Variants in CDH23 observed in about 807,000 individuals in gnomAD.
The protein encoded by CDH23 is cadherin-23.
A neutral mutation model predicts 317.1 loss-of-function variants in CDH23; 189 were observed. The ratio of observed to expected loss-of-function variants is 0.60; its 90% CI spans 0.53 to 0.67. CDH23 has a LOEUF of 0.67. Among genes scored for constraint, CDH23 ranks in the 30% least tolerant of loss-of-function variants. The probability of loss-of-function intolerance (pLI) is 0.00; values close to 1 mark genes in which losing one functional copy is unlikely to be tolerated. For missense variants in CDH23, 4,401 were observed against 4,592.4 expected, an observed-to-expected ratio of 0.96 and a Z score of 1.20; for synonymous variants, 1,839 against 1,876.8, an observed-to-expected ratio of 0.98 and a Z score of 0.52.
At chr10:71,633,637 C>T (rs745727193) in intron 11 of CDH23, among the ~76,000 whole-genome samples, 3 of 152,136 alleles carry the variant, frequency 2.0e-5, no homozygotes, top group Non-Finnish European at 2.9e-5. Context: ...CGGGCAGCTC[C>T]CTTGGAAGAG....
At chr10:71,547,141 G>A (rs1856326246) in intron 6 of CDH23, among the ~76,000 whole-genome samples, 1 of 152,232 alleles carries the variant, frequency 6.6e-6, no homozygotes, top group South Asian at 2.1e-4. Context: ...ATGGTGACCA[G>A]AGAGTCACCT....
intron 38 of CDH23, 33 bp downstream of exon 38, chr10:71,741,954 G>A (rs754047791): frequency 6.6e-7 from 1 of 1,521,576 alleles, no homozygotes; most frequent in Non-Finnish European, 8.9e-7. Context: ...GGGAGGAGCG[G>A]GTGGGCCAGG....
At chr10:71,677,966 A>G (rs1864446070) in intron 16 of CDH23, among the ~76,000 whole-genome samples, 2 of 151,994 alleles carry the variant, frequency 1.3e-5, no homozygotes, top group Admixed American at 6.6e-5. Flanking sequence ...TAGGGAACCC[A>G]CTGCAAGAGG....
chr10:71,541,496 ACTT>A (rs1352642097), intron 6 of CDH23, among the ~76,000 whole-genome samples: 1 of 152,222 alleles, frequency 6.6e-6, no homozygotes, highest in African/African-American at 2.4e-5. Flanking sequence ...CTAGGAGGAA[ACTT>A]CTTCACTCTG....
chr10:71,715,927 G>T, intron 28 of CDH23: 1 of 1,450,592 alleles, frequency 6.9e-7, no homozygotes, highest in South Asian at 1.5e-5. Context: ...CATGTTTGTG[G>T]ACACCCCATT....
chr10:71,809,430 C>T (rs568740879), intron 60 of CDH23, among the ~76,000 whole-genome samples: 1 of 152,246 alleles, frequency 6.6e-6, no homozygotes, highest in South Asian at 2.1e-4. Flanking sequence ...CTGCCCGCCT[C>T]AGCCTCCCAA....
chr10:71,649,913 C>A (rs1387230765), intron 14 of CDH23, among the ~76,000 whole-genome samples: 4 of 152,166 alleles, frequency 2.6e-5, no homozygotes, highest in South Asian at 4.1e-4. Flanking sequence ...TTGCTCAGGG[C>A]CCCAGGGCTA....
At chr10:71,458,102 G>T (rs1482572906) in intron 3 of CDH23, among the ~76,000 whole-genome samples, 1 of 152,216 alleles carries the variant, frequency 6.6e-6, no homozygotes, top group African/African-American at 2.4e-5. Context: ...CTGAGGAGAC[G>T]GGCAGGCAGA....
At position 71,745,454 on chromosome 10, in the gene CDH23, C is replaced by T. The variant is rs151227152; in HGVS notation, c.4845+3533C>T. On this transcript the variant is annotated intron_variant, in intron 38 of 69. Coordinates refer to ENST00000224721, the MANE Select transcript of CDH23 (RefSeq NM_022124.6). ...AGGACTCTCTATTTCCATATCCTCC[C>T]GGGACAGTGTATATGGGACTCGCCA... 4.6e-5 allele frequency among the ~76,000 whole-genome samples: 7 copies of T among 152,258 alleles called. No individual in the cohort carries two copies. The East Asian group carries it at 9.7e-4, about 21-fold the overall frequency.
chr10:71,424,852 A>G (rs1848983226), intron 1 of CDH23, among the ~76,000 whole-genome samples: 1 of 152,184 alleles, frequency 6.6e-6, no homozygotes, highest in South Asian at 2.1e-4. Context: ...GACACAGAGT[A>G]AAGGGACTGC....
At chr10:71,583,656 C>A (rs7083996) in intron 9 of CDH23, among the ~76,000 whole-genome samples, 9 of 152,290 alleles carry the variant, frequency 5.9e-5, no homozygotes, top group East Asian at 5.8e-4. Flanking sequence ...CTCTTCTTGC[C>A]GCCCACATCC....
chr10:71,480,511 A>C (rs1852011461), intron 3 of CDH23, among the ~76,000 whole-genome samples: 1 of 152,206 alleles, frequency 6.6e-6, no homozygotes, highest in Non-Finnish European at 1.5e-5. Context: ...AGAGGCATTG[A>C]GGTGGCTGCT....
intron 19 of CDH23, among the ~76,000 whole-genome samples, chr10:71,689,937 A>G (rs1303021651): frequency 6.6e-6 from 1 of 152,218 alleles, no homozygotes; most frequent in Non-Finnish European, 1.5e-5. Flanking sequence ...GGGTCTGGAC[A>G]GGGTGGCTGG....
At chr10:71,599,664 T>G (rs867143224) in intron 9 of CDH23, among the ~76,000 whole-genome samples, 1 of 152,192 alleles carries the variant, frequency 6.6e-6, no homozygotes. Context: ...GTAAAACTTT[T>G]ATGTGTGGTC....
rs116737152 is a variant in CDH23, at chr10:71,577,097, C to T, written c.754-817C>T. On this transcript the variant is annotated intron_variant, in intron 8 of 69. Coordinates refer to ENST00000224721, the MANE Select transcript of CDH23 (RefSeq NM_022124.6). ...CGCCAATTCCTCCAGGTGGACTTCT[C>T]CCCTTTTTTGTACGTTTCTCCATGT... Among the ~76,000 whole-genome samples the T allele has an allele frequency of 8.7e-3, 1,323 of 152,280 alleles. 17 individuals are homozygous for T. Among genetic ancestry groups the T allele is most frequent in the African/African-American group, 0.029 (1,214 of 41,550 alleles).
chr10:71,775,948 A>G (rs1840808383), intron 38 of CDH23, among the ~76,000 whole-genome samples: 1 of 152,174 alleles, frequency 6.6e-6, no homozygotes, highest in Non-Finnish European at 1.5e-5. Context: ...CTTGCCGGCA[A>G]GAATACAAGA....
chr10:71,415,957 G>A (rs1005493422), intron 1 of CDH23, among the ~76,000 whole-genome samples: 2 of 152,210 alleles, frequency 1.3e-5, no homozygotes, highest in African/African-American at 4.8e-5. Context: ...CAAGAATAGT[G>A]TTTATTCTGT....
At chr10:71,481,628 A>T (rs539986497) in intron 3 of CDH23, among the ~76,000 whole-genome samples, 1 of 152,332 alleles carries the variant, frequency 6.6e-6, no homozygotes, top group South Asian at 2.1e-4. Context: ...AATGGTGGAC[A>T]AATAGGTCCA....
rs1246797859 is a variant in CDH23 at position 71,815,539 on chromosome 10, G to A, written c.*261G>A. The stretch of plus-strand genomic sequence containing the variant: ...AAAATGTTAAGCATCTAAGGACAAG[G>A]TAAGGAGGGTCACTGGGGCCCAAGA... On this transcript the variant is annotated 3_prime_UTR_variant, in exon 70 of 70. Coordinates refer to ENST00000224721, the MANE Select transcript of CDH23 (RefSeq NM_022124.6). The A allele has an allele frequency of 2.7e-6, 1 of 366,732 alleles. No individual in the cohort carries two copies. Among genetic ancestry groups the A allele is most frequent in the Non-Finnish European group, 4.9e-6 (1 of 202,786 alleles). 22.7% of individuals were successfully genotyped at this position (366,732 alleles called of 1,614,324 possible).
Sources: gnomAD v4.1 joint callset for allele counts (sites outside exome capture counted in the v4.1 genomes callset) on GRCh38, gnomAD v4.1.1 for gene constraint, MANE v1.5 for transcripts, NCBI Gene and HGNC (gene_info 2026-07-23, HGNC 2026-07-21) for gene names.